The following NTN4 variants were observed in gnomAD, a reference collection of about 807,000 sequenced individuals.
The protein encoded by NTN4 is netrin-4.
A neutral mutation model predicts 73.6 loss-of-function variants in NTN4; 32 were observed. The observed-to-expected ratio is 0.44, with a 90% CI of 0.33 to 0.58. The LOEUF is 0.58. Ranked by LOEUF, NTN4 falls within the 20% of genes least tolerant of loss-of-function variation. The probability of loss-of-function intolerance (pLI) is 0.04; values close to 1 mark genes in which losing one functional copy is unlikely to be tolerated. For missense variants in NTN4, 654 were observed against 798.3 expected (o/e 0.82, Z 2.18); for synonymous variants, 258 against 287.5 (o/e 0.90, Z 1.04).
At chr12:95,666,111 A>T (rs1438972966) in intron 8 of NTN4, 131 bp from the exon 9 acceptor site, 1 of 704,342 alleles carries the variant, frequency 1.4e-6, no homozygotes, top group Non-Finnish European at 2.3e-6. Flanking sequence ...TTGCTTTAAA[A>T]ATCATTAGGC....
At chr12:95,737,833 T>A in intron 3 of NTN4, 33 bp downstream of exon 3, 2 of 1,585,144 alleles carry the variant, frequency 1.3e-6, no homozygotes, top group South Asian at 2.3e-5. Context: ...ACTTATGATT[T>A]GTTTTTCTTA....
intron 2 of NTN4, among the ~76,000 whole-genome samples, chr12:95,768,552 G>A (rs11108247): frequency 0.15 from 22,866 of 152,002 alleles, 1,888 homozygotes; most frequent in Non-Finnish European, 0.19. Flanking sequence ...AGGCAGGGAT[G>A]AGACAAGAGG....
chr12:95,730,868 T>A (rs2078732168), intron 3 of NTN4, among the ~76,000 whole-genome samples: 1 of 152,170 alleles, frequency 6.6e-6, no homozygotes, highest in Admixed American at 6.5e-5. Flanking sequence ...GTGACAGGAT[T>A]ACCTATTCCT....
At chr12:95,672,781 A>G (rs2078243532) in intron 7 of NTN4, 1 of 1,313,046 alleles carries the variant, frequency 7.6e-7, no homozygotes, top group Admixed American at 1.7e-5. Context: ...GAAGGACACT[A>G]TTGCCAGCGC....
At chr12:95,710,692 T>C in intron 4 of NTN4, 63 bp from the exon 5 acceptor site, 2 of 1,485,148 alleles carry the variant, frequency 1.3e-6, no homozygotes, top group Non-Finnish European at 1.8e-6. Flanking sequence ...GGTTATCTCA[T>C]ATTCAGATAG....
At chr12:95,688,678 A>G (rs1279435653) in intron 5 of NTN4, among the ~76,000 whole-genome samples, 4 of 151,854 alleles carry the variant, frequency 2.6e-5, no homozygotes, top group Non-Finnish European at 5.9e-5. Context: ...GAGTGAGAAG[A>G]TGATCAAGGA....
At chr12:95,663,347 A>G (rs10859921) in intron 9 of NTN4, 36,905 of 152,154 alleles carry the variant, frequency 0.24, 5,348 homozygotes, top group Non-Finnish European at 0.31. Flanking sequence ...ATTAGCATTT[A>G]TATTTTATTT....
intron 3 of NTN4, among the ~76,000 whole-genome samples, chr12:95,726,200 A>G (rs4762609): frequency 0.37 from 56,291 of 151,690 alleles, 12,307 homozygotes; most frequent in Non-Finnish European, 0.5. Context: ...TTGTACAGTC[A>G]TTACCACCAT....
At chr12:95,749,167 T>C (rs1442910496) in intron 2 of NTN4, among the ~76,000 whole-genome samples, 1 of 151,962 alleles carries the variant, frequency 6.6e-6, no homozygotes, top group Non-Finnish European at 1.5e-5. Flanking sequence ...GCCCCACCCC[T>C]ATCTCCCTTC....
At chr12:95,761,317 A>G (rs1008285978) in intron 2 of NTN4, among the ~76,000 whole-genome samples, 1 of 108,634 alleles carries the variant, frequency 9.2e-6, no homozygotes, top group Non-Finnish European at 1.9e-5. Context: ...GCAGGACAAA[A>G]GAGATATTCT....
At chr12:95,666,070 A>C (rs975093674) in intron 8 of NTN4, 90 bp from the exon 9 acceptor site, 1 of 974,380 alleles carries the variant, frequency 1.0e-6, no homozygotes. Flanking sequence ...AATATAATGG[A>C]AAGGTGAATT....
At chr12:95,732,551 G>A (rs1184294036) in intron 3 of NTN4, among the ~76,000 whole-genome samples, 7 of 151,784 alleles carry the variant, frequency 4.6e-5, no homozygotes, top group African/African-American at 9.7e-5. Context: ...CTATAGGCGC[G>A]TGCCACCACA....
intron 7 of NTN4, among the ~76,000 whole-genome samples, chr12:95,674,831 G>A (rs2078260670): frequency 6.6e-6 from 1 of 152,140 alleles, no homozygotes; most frequent in Admixed American, 6.5e-5. Context: ...GAGACTCTCT[G>A]GGGACATCAC....
chr12:95,751,293 T>C (rs922759282), intron 2 of NTN4, among the ~76,000 whole-genome samples: 1 of 150,438 alleles, frequency 6.6e-6, no homozygotes, highest in African/African-American at 2.5e-5. Flanking sequence ...TTAATTAACC[T>C]CGCCTTCAAG....
Position 95,789,306 on chromosome 12 carries a change from C to T in NTN4, c.55+949G>A, listed in dbSNP as rs1407407757. Among the ~76,000 whole-genome samples the T allele has an allele frequency of 6.6e-6, 1 of 152,164 alleles. No individual in the cohort carries two copies. The highest frequency in any genetic ancestry group is 1.5e-5 in the Non-Finnish European group (1 of 68,026). On this transcript the variant is annotated intron_variant, in intron 1 of 9. Coordinates refer to ENST00000343702, the MANE Select transcript of NTN4 (RefSeq NM_021229.4). This position sits in a 1 kb window ranked among gnomAD's most constrained non-coding sequence, Gnocchi z 4.0. ...AGATGCGTGCTACAATGTTCTGTAG[C>T]CACCAGCGCATCCCTCTAGCCCAGG... is the stretch of plus-strand genomic sequence containing the variant.
chr12:95,782,287 C>T (rs60838911), intron 2 of NTN4, among the ~76,000 whole-genome samples: 5,958 of 151,988 alleles, frequency 0.039, 359 homozygotes, highest in East Asian at 0.31. Context: ...CTTTAATAAT[C>T]CTTTACTTTT....
chr12:95,673,312 G>C (rs1373074588), intron 7 of NTN4: 3 of 294,878 alleles, frequency 1.0e-5, no homozygotes, highest in East Asian at 8.5e-5. Context: ...CTGTGGAAAA[G>C]CTCCCCTTGT....
rs185030020 is a variant in NTN4, at chr12:95,707,547, C to G, written c.1180+2894G>C. 5.0e-3 allele frequency among the ~76,000 whole-genome samples: 758 copies of G among 152,202 alleles called. 3 individuals carry two copies. Among genetic ancestry groups the G allele is most frequent in the Non-Finnish European group, 8.0e-3 (545 of 68,018 alleles). ...CCCCAAGCCCTTGGTTCCCTGGATC[C>G]CTTCCCTCTTGTTTTATTTTTTTCT... On this transcript the variant is annotated intron_variant, in intron 5 of 9. Transcript: ENST00000343702.
At chr12:95,669,685 G>T (rs1475017736) in intron 8 of NTN4, among the ~76,000 whole-genome samples, 2 of 152,138 alleles carry the variant, frequency 1.3e-5, no homozygotes, top group African/African-American at 4.8e-5. Context: ...GCCTTAAACT[G>T]ATTTCTACTC....
Sources: gnomAD v4.1 joint callset for allele counts (sites outside exome capture counted in the v4.1 genomes callset) on GRCh38, gnomAD v4.1.1 for gene constraint, Gnocchi (gnomAD v3.1) non-coding constraint, MANE v1.5 for transcripts, NCBI Gene and HGNC (gene_info 2026-07-23, HGNC 2026-07-21) for gene names.